Variants in HPS4 observed in about 807,000 individuals in gnomAD.
HPS4 encodes BLOC-3 complex member HPS4.
A neutral mutation model predicts 70.3 loss-of-function variants in HPS4; 44 were observed. The ratio of observed to expected loss-of-function variants is 0.63; its 90% CI spans 0.49 to 0.80. The LOEUF is 0.80. Ranked by LOEUF, HPS4 falls within the 30% of genes least tolerant of loss-of-function variation. HPS4 has a pLI of 0.00. For missense variants in HPS4, 873 were observed against 884.4 expected, an observed-to-expected ratio of 0.99 and a Z score of 0.16; for synonymous variants, 377 against 355.9, an observed-to-expected ratio of 1.06 and a Z score of -0.67.
chr22:26,444,185 C>G (rs1053526661), downstream of HPS4: 2 of 151,730 alleles, frequency 1.3e-5, no homozygotes, highest in Non-Finnish European at 2.9e-5. Context: ...AATAATAGAT[C>G]TGACCAAAGT....
chr22:26,465,347 G>A, intron 10 of HPS4, 108 bp downstream of exon 10: 1 of 789,262 alleles, frequency 1.3e-6, no homozygotes. Flanking sequence ...GCATGGGGAA[G>A]ATGGAATTAA....
chr22:26,456,382 C>T (rs898121409), intron 13 of HPS4, among the ~76,000 whole-genome samples: 9 of 152,280 alleles, frequency 5.9e-5, no homozygotes, highest in South Asian at 2.1e-4. Flanking sequence ...CCCTTGAAGC[C>T]GGGCGTGGTG....
intron 6 of HPS4, 107 bp from the exon 7 acceptor site, chr22:26,470,920 A>C: frequency 1.9e-6 from 3 of 1,556,170 alleles, no homozygotes; most frequent in Non-Finnish European, 2.6e-6. Flanking sequence ...TGTAGCTCAA[A>C]GCCTGGAAAA....
At chr22:26,477,546 GA>G in intron 3 of HPS4, among the ~76,000 whole-genome samples, 1 of 152,320 alleles carries the variant, frequency 6.6e-6, no homozygotes, top group South Asian at 2.1e-4. Flanking sequence ...GAGGGATGCA[GA>G]TTAACCCCAA....
chr22:26,465,884 C>T (rs774870827), intron 9 of HPS4: 4 of 578,866 alleles, frequency 6.9e-6, no homozygotes, highest in Non-Finnish European at 1.2e-5. Flanking sequence ...AAATAACTCT[C>T]CTGAGGACGC....
chr22:26,450,978 T>C lies in HPS4; in HGVS notation c.*2255A>G, dbSNP rs2146192140. Among the ~76,000 whole-genome samples the C allele has an allele frequency of 6.6e-6, 1 of 152,320 alleles. No individual in the cohort carries two copies. Among genetic ancestry groups the C allele is most frequent in the East Asian group, 1.9e-4 (1 of 5,188 alleles). ...TTAATCACTCATGCGACCTTTATCCTTACAGTTCACAGGTGGCAGATGGCT... is the reference window on the plus strand; with the variant it reads ...TTAATCACTCATGCGACCTTTATCCCTACAGTTCACAGGTGGCAGATGGCT... On this transcript the variant is annotated 3_prime_UTR_variant, in exon 14 of 14. Coordinates refer to ENST00000398145, the MANE Select transcript of HPS4 (RefSeq NM_022081.6).
At chr22:26,461,461 G>A (rs2087255092) in intron 11 of HPS4, among the ~76,000 whole-genome samples, 1 of 151,940 alleles carries the variant, frequency 6.6e-6, no homozygotes, top group Non-Finnish European at 1.5e-5. Context: ...CAACCCTCCT[G>A]GCTGCTCCAC....
At position 26,451,895 on chromosome 22, in the gene HPS4, C is replaced by A; in HGVS notation, c.*1338G>T. 6.1e-6 allele frequency: 1 copy of A among 163,614 alleles called. No homozygotes were observed. 10.1% of individuals were successfully genotyped at this position (163,614 alleles called of 1,614,324 possible). On this transcript the variant is annotated 3_prime_UTR_variant, in exon 14 of 14. Transcript: ENST00000398145. ...CAGCTGCAGCTGGTGCTCCCTGGAGCAGCAGGCTGCAGCCTGGCAGCCCTA... is the reference window on the plus strand; with the variant it reads ...CAGCTGCAGCTGGTGCTCCCTGGAGAAGCAGGCTGCAGCCTGGCAGCCCTA...
At chr22:26,467,029 C>T (rs2088776529) in intron 8 of HPS4, 1 of 152,070 alleles carries the variant, frequency 6.6e-6, no homozygotes, top group South Asian at 2.1e-4. Flanking sequence ...CAAGCTAGTA[C>T]TATTAATATT....
rs1039791914 is a variant in HPS4 at position 26,452,782 on chromosome 22, G to T, written c.*451C>A. The T allele has an allele frequency of 1.2e-5, 3 of 250,982 alleles. No individual in the cohort carries two copies. Among genetic ancestry groups the T allele is most frequent in the Non-Finnish European group, 1.6e-5 (2 of 127,214 alleles). The allele number at this position is 250,982 out of a possible 1,614,324, so 15.5% of individuals were successfully genotyped here. ...TGGGAGTGGAGTCGGCCTGCTCACAGATCCGGCACCTCGCTGTGCAGTCAC... is the reference window on the plus strand; with the variant it reads ...TGGGAGTGGAGTCGGCCTGCTCACATATCCGGCACCTCGCTGTGCAGTCAC... On this transcript the variant is annotated 3_prime_UTR_variant, in exon 14 of 14. Transcript: ENST00000398145.
chr22:26,443,246 C>A (rs888565479), downstream of HPS4: 4 of 1,562,832 alleles, frequency 2.6e-6, no homozygotes, highest in African/African-American at 1.4e-5. Flanking sequence ...AGGGCCGAGG[C>A]GGGGCCTGGG....
chr22:26,453,192 T>C lies in HPS4; in HGVS notation c.*41A>G. ...TTCAATTATAAAAGGCAGAGCTTCC[T>C]TTGCTGGTTTTCTCCTTCCCAGTCA... On this transcript the variant is annotated 3_prime_UTR_variant, in exon 14 of 14. Transcript: ENST00000398145. 1 of 1,601,780 alleles carries C rather than the reference T, an allele frequency of 6.2e-7. No individual in the cohort carries two copies. Among genetic ancestry groups the C allele is most frequent in the South Asian group, 1.1e-5 (1 of 90,672 alleles).
intron 6 of HPS4, among the ~76,000 whole-genome samples, 189 bp downstream of exon 6, chr22:26,472,113 G>A (rs536856277): frequency 3.3e-5 from 5 of 152,270 alleles, no homozygotes; most frequent in African/African-American, 1.2e-4. Context: ...GTTCAAGAAG[G>A]CAGGTATGCT....
intron 7 of HPS4, among the ~76,000 whole-genome samples, chr22:26,469,190 C>T (rs1280482133): frequency 7.0e-6 from 1 of 143,304 alleles, no homozygotes; most frequent in African/African-American, 2.6e-5. Flanking sequence ...CTTACTCCTG[C>T]AATCACAGCA....
At chr22:26,448,201 G>A (rs1476051969), downstream of HPS4, among the ~76,000 whole-genome samples, 6 of 152,208 alleles carry the variant, frequency 3.9e-5, no homozygotes, top group Non-Finnish European at 8.8e-5. Flanking sequence ...TGTGCTGGGA[G>A]GCCATTTGCC....
chr22:26,472,874 T>C lies in HPS4; in HGVS notation c.342A>G (p.Gly114=). The C allele has an allele frequency of 1.2e-6, 2 of 1,614,112 alleles. No individual in the cohort carries two copies. The highest frequency in any genetic ancestry group is 1.7e-6 in the Non-Finnish European group (2 of 1,180,012). ...SCKRFLDQLV[G]FFNFYNGPVS... is the part of the protein sequence containing the mutation. ...CAGGTCCATTGTAAAAATTAAAGAATCCAACTAGCTGATCCAGAAACCGCT... is the reference window on the plus strand; with the variant it reads ...CAGGTCCATTGTAAAAATTAAAGAACCCAACTAGCTGATCCAGAAACCGCT... Residue 114 remains glycine, a synonymous_variant, in exon 5 of 14, where the codon GGA becomes GGG. Transcript: ENST00000398145.
rs2085473442 is a variant in HPS4 at position 26,453,097 on chromosome 22, C to T, written c.*136G>A. On this transcript the variant is annotated 3_prime_UTR_variant, in exon 14 of 14. Transcript: ENST00000398145. ...ACATCCCAATCTGCAAAAGGAATAACAAAAACTCAAATATCATTTGGTTCC... is the reference window on the plus strand; with the variant it reads ...ACATCCCAATCTGCAAAAGGAATAATAAAAACTCAAATATCATTTGGTTCC... The T allele has an allele frequency of 8.9e-6, 9 of 1,009,172 alleles. No individual in the cohort carries two copies. The highest frequency in any genetic ancestry group is 1.3e-5 in the Non-Finnish European group (9 of 672,656). The allele number at this position is 1,009,172 out of a possible 1,614,324, so 62.5% of individuals were successfully genotyped here. A position where few individuals can be genotyped will look rare whatever the true frequency, so the allele number is the denominator to read the frequency against.
At chr22:26,443,219 T>A, downstream of HPS4, 1 of 1,612,194 alleles carries the variant, frequency 6.2e-7, no homozygotes, top group Non-Finnish European at 8.5e-7. Context: ...GTATTTCCCA[T>A]GCTGGAGTCG....
chr22:26,468,672 A>C, intron 7 of HPS4, 49 bp from the exon 8 acceptor site: 6 of 1,540,808 alleles, frequency 3.9e-6, no homozygotes, highest in Non-Finnish European at 5.4e-6. Flanking sequence ...AAATACACCA[A>C]AACACTCCAA....
Sources: allele counts gnomAD v4.1 joint callset (sites outside exome capture counted in the v4.1 genomes callset), GRCh38; gene constraint gnomAD v4.1.1; transcripts MANE v1.5; gene names NCBI Gene and HGNC (gene_info 2026-07-23, HGNC 2026-07-21).